Variants in ZNF25 observed in about 807,000 individuals in gnomAD.
ZNF25 encodes zinc finger protein 25.
ZNF25 carries 21 observed loss-of-function variants against 30.9 expected under a neutral mutation model. The observed-to-expected ratio is 0.68, with a 90% CI of 0.48 to 0.98. The LOEUF is 0.98. Ranked by LOEUF, ZNF25 falls within the 50% of genes least tolerant of loss-of-function variation. The probability of loss-of-function intolerance (pLI) is 0.00; values close to 1 mark genes in which losing one functional copy is unlikely to be tolerated. For missense variants in ZNF25, 501 were observed against 529.9 expected (o/e 0.95, Z 0.54); for synonymous variants, 169 against 181.3 (o/e 0.93, Z 0.55).
intron 1 of ZNF25, among the ~76,000 whole-genome samples, chr10:37,972,185 A>AT (rs2063530480): frequency 6.6e-6 from 1 of 152,170 alleles, no homozygotes; most frequent in Non-Finnish European, 1.5e-5. Context: ...TATCATAACC[A>AT]TTTTTTTCTA....
intron 2 of ZNF25, among the ~76,000 whole-genome samples, chr10:37,958,100 C>T (rs1056214912): frequency 4.6e-5 from 7 of 152,186 alleles, no homozygotes; most frequent in African/African-American, 1.7e-4. Context: ...ATCCCTGTCA[C>T]TAAGTGACAC....
At chr10:37,953,486 A>T (rs903027815) in intron 5 of ZNF25, 1 of 618,828 alleles carries the variant, frequency 1.6e-6, no homozygotes, top group African/African-American at 1.8e-5. Context: ...CAGAAGAGTA[A>T]AAAGACCACT....
intron 2 of ZNF25, among the ~76,000 whole-genome samples, chr10:37,966,144 C>T (rs554212138): frequency 2.1e-4 from 32 of 152,150 alleles, no homozygotes; most frequent in African/African-American, 6.3e-4. Flanking sequence ...TAAGGCTTGG[C>T]GTGGTGGCTC....
chr10:37,959,169 C>A (rs578063592), intron 2 of ZNF25, among the ~76,000 whole-genome samples: 12 of 152,236 alleles, frequency 7.9e-5, no homozygotes. Context: ...TCACCATTCA[C>A]TGTGTAGATG....
chr10:37,974,679 C>G (rs1460698253), intron 1 of ZNF25, among the ~76,000 whole-genome samples: 1 of 152,136 alleles, frequency 6.6e-6, no homozygotes, highest in African/African-American at 2.4e-5. Context: ...TAAACTAGTA[C>G]AGCCACTGTG....
intron 2 of ZNF25, among the ~76,000 whole-genome samples, chr10:37,965,201 CA>C (rs780801551): frequency 2.0e-5 from 3 of 152,128 alleles, no homozygotes; most frequent in Non-Finnish European, 4.4e-5. Context: ...AGAAGTCTGC[CA>C]CAGAGATGGA....
intron 2 of ZNF25, 36 bp downstream of exon 2, chr10:37,971,672 C>G (rs1387352078): frequency 2.5e-6 from 4 of 1,603,590 alleles, no homozygotes; most frequent in Non-Finnish European, 3.4e-6. Context: ...CACACACACA[C>G]AGTGAAACAA....
intron 2 of ZNF25, among the ~76,000 whole-genome samples, chr10:37,962,683 T>C (rs1040040885): frequency 1.2e-4 from 18 of 151,920 alleles, no homozygotes; most frequent in Admixed American, 5.9e-4. Flanking sequence ...ATGACCAAGA[T>C]AAAAAATACA....
intron 2 of ZNF25, among the ~76,000 whole-genome samples, chr10:37,967,334 T>TCAAA (rs2063239184): frequency 6.6e-6 from 1 of 152,130 alleles, no homozygotes; most frequent in Non-Finnish European, 1.5e-5. Flanking sequence ...AACAGTGAGG[T>TCAAA]ACTGGCATAA....
intron 2 of ZNF25, among the ~76,000 whole-genome samples, chr10:37,969,684 G>C (rs2063381778): frequency 1.3e-5 from 2 of 152,130 alleles, no homozygotes; most frequent in South Asian, 4.1e-4. Context: ...TTTGTAACTA[G>C]GTAGAGGTGG....
rs1400956733 is a variant in ZNF25 at position 37,951,870 on chromosome 10, G to A, written c.*257C>T. The A allele has an allele frequency of 2.7e-6, 1 of 363,890 alleles. No homozygotes were observed. The highest frequency in any genetic ancestry group is 4.9e-6 in the Non-Finnish European group (1 of 204,114). The allele number at this position is 363,890 out of a possible 1,614,324, so 22.5% of individuals were successfully genotyped here. On this transcript the variant is annotated 3_prime_UTR_variant, in exon 6 of 6. Coordinates refer to ENST00000302609, the MANE Select transcript of ZNF25 (RefSeq NM_145011.4). Reference sequence around the variant, plus strand: ...CAAAACAAAAGTATGACTTCTGAAAGGTTTCCTTCCTGTTTTACAATTTGC... The same window carrying A: ...CAAAACAAAAGTATGACTTCTGAAAAGTTTCCTTCCTGTTTTACAATTTGC...
At chr10:37,960,753 T>G (rs2062827734) in intron 2 of ZNF25, among the ~76,000 whole-genome samples, 1 of 150,062 alleles carries the variant, frequency 6.7e-6, no homozygotes, top group African/African-American at 2.5e-5. Flanking sequence ...AGGAGGAGTA[T>G]CTAGGAAACC....
rs1396983568 is a variant in ZNF25, at chr10:37,976,546, C to T, written c.-126G>A. 6.6e-6 allele frequency: 1 copy of T among 152,540 alleles called. No individual in the cohort carries two copies. The highest frequency in any genetic ancestry group is 1.5e-5 in the Non-Finnish European group (1 of 68,298). 9.4% of individuals were successfully genotyped at this position (152,540 alleles called of 1,614,324 possible). ...CTCTGCTCCCGGCCCGCGCCGGGCCCAGGCCCCGCCCTTTGCGGCCCAGCC... is the reference window on the plus strand; with the variant it reads ...CTCTGCTCCCGGCCCGCGCCGGGCCTAGGCCCCGCCCTTTGCGGCCCAGCC... On this transcript the variant is annotated 5_prime_UTR_variant, in exon 1 of 6. Coordinates refer to ENST00000302609, the MANE Select transcript of ZNF25 (RefSeq NM_145011.4).
chr10:37,953,067 T>G lies in ZNF25; in HGVS notation c.431A>C (p.Lys144Thr). The change falls in exon 6 of 6, where the codon AAA (lysine) becomes ACA (threonine). Residue 144 changes from lysine to threonine, a missense_variant. By Grantham distance (78) the Lys-to-Thr change is moderately conservative. Coordinates refer to ENST00000302609, the MANE Select transcript of ZNF25 (RefSeq NM_145011.4). ...IVHQHTHSKG[K>T]SYDCDKCGKS... ...CCCACATTTATCACAGTCATAGGAT[T>G]TGCCCTTTGAGTGAGTATGCTGATG... 5 of 1,614,034 alleles carry G rather than the reference T, an allele frequency of 3.1e-6. No individual in the cohort carries two copies. The highest frequency in any genetic ancestry group is 3.4e-6 in the Non-Finnish European group (4 of 1,179,994).
chr10:37,973,649 A>G (rs926020425), intron 1 of ZNF25, among the ~76,000 whole-genome samples: 2 of 152,128 alleles, frequency 1.3e-5, no homozygotes, highest in African/African-American at 4.8e-5. Flanking sequence ...TAAAATGGAA[A>G]GATATCCCAT....
intron 2 of ZNF25, among the ~76,000 whole-genome samples, chr10:37,958,889 A>C (rs1045842268): frequency 4.6e-5 from 7 of 152,162 alleles, no homozygotes; most frequent in Non-Finnish European, 1.0e-4. Context: ...CTCTACTAAA[A>C]AATACAAAAA....
intron 2 of ZNF25, among the ~76,000 whole-genome samples, chr10:37,968,427 C>T (rs2063308461): frequency 6.6e-6 from 1 of 151,248 alleles, no homozygotes; most frequent in Admixed American, 6.6e-5. Flanking sequence ...GCCATCTCGA[C>T]TCACTGCAAC....
intron 2 of ZNF25, among the ~76,000 whole-genome samples, chr10:37,969,281 C>T (rs991046435): frequency 9.9e-5 from 15 of 151,810 alleles, no homozygotes; most frequent in Admixed American, 7.9e-4. Flanking sequence ...GGTATATACC[C>T]GAAATAATTG....
At chr10:37,973,971 A>G (rs567653629) in intron 1 of ZNF25, among the ~76,000 whole-genome samples, 2 of 152,332 alleles carry the variant, frequency 1.3e-5, no homozygotes, top group East Asian at 3.9e-4. Context: ...AAATAAATAC[A>G]TGCATTTATA....
Sources: gnomAD v4.1 joint callset for allele counts (sites outside exome capture counted in the v4.1 genomes callset) on GRCh38, gnomAD v4.1.1 for gene constraint, MANE v1.5 for transcripts, NCBI Gene and HGNC (gene_info 2026-07-23, HGNC 2026-07-21) for gene names.